Variants in STAT3 observed in about 807,000 individuals in gnomAD.
STAT3 encodes the protein signal transducer and activator of transcription 3, also known as DNA-binding protein APRF.
Under a neutral mutation model 114.3 loss-of-function variants are expected in STAT3, and 7 were observed. The observed-to-expected ratio is 0.06, with a 90% CI of 0.03 to 0.11. STAT3 has a LOEUF of 0.11. STAT3 is among the 10% of genes least tolerant of loss of function. The pLI, the probability that STAT3 is intolerant of heterozygous loss-of-function variation, is 1.00. For missense variants in STAT3, 364 were observed against 960.9 expected (o/e 0.38, Z 8.21); for synonymous variants, 331 against 354.5 (o/e 0.93, Z 0.74).
At chr17:42,345,880 T>TTTC (rs1485115920) in intron 3 of STAT3, among the ~76,000 whole-genome samples, 2 of 150,488 alleles carry the variant, frequency 1.3e-5, no homozygotes, top group African/African-American at 4.9e-5. Flanking sequence ...TGAGTCTTTT[T>TTTC]TTTTTTTTTT....
chr17:42,317,432 G>A (rs1207533136), intron 21 of STAT3: 5 of 645,050 alleles, frequency 7.8e-6, no homozygotes, highest in Admixed American at 4.8e-5. Flanking sequence ...GTGAACTTCA[G>A]TTCTTTGCAC....
At chr17:42,332,957 T>C (rs1303233175) in intron 10 of STAT3, among the ~76,000 whole-genome samples, 1 of 151,986 alleles carries the variant, frequency 6.6e-6, no homozygotes, top group African/African-American at 2.4e-5. Flanking sequence ...GCTGAGATCA[T>C]GCCACTGCAC....
intron 1 of STAT3, among the ~76,000 whole-genome samples, chr17:42,382,717 G>C (rs956527338): frequency 1.3e-5 from 2 of 151,502 alleles, no homozygotes; most frequent in African/African-American, 4.9e-5. Context: ...CACGATCTCA[G>C]CTCACTGCAA....
chr17:42,322,191 A>G, intron 21 of STAT3, 91 bp downstream of exon 21: 2 of 1,195,852 alleles, frequency 1.7e-6, no homozygotes, highest in Non-Finnish European at 2.5e-6. Flanking sequence ...CCCCCAGGTT[A>G]TTCAGGCATT....
intron 4 of STAT3, 145 bp downstream of exon 4, chr17:42,345,412 TAG>T (rs1045858874): frequency 5.5e-6 from 4 of 732,950 alleles, no homozygotes; most frequent in East Asian, 5.5e-5. Context: ...TCTTTTTTTT[TAG>T]AGTTTTTCAA....
At chr17:42,335,533 G>A (rs990671788) in intron 8 of STAT3, among the ~76,000 whole-genome samples, 2 of 152,132 alleles carry the variant, frequency 1.3e-5, no homozygotes, top group South Asian at 2.1e-4. Flanking sequence ...CTGATCAAAG[G>A]ACATGACATT....
At chr17:42,327,298 T>C (rs923771052) in intron 14 of STAT3, among the ~76,000 whole-genome samples, 6 of 152,192 alleles carry the variant, frequency 3.9e-5, no homozygotes, top group African/African-American at 1.4e-4. Context: ...TTTTACAGTT[T>C]TACCATATTT....
intron 1 of STAT3, among the ~76,000 whole-genome samples, chr17:42,357,000 C>T (rs1045337253): frequency 1.3e-5 from 2 of 152,054 alleles, no homozygotes; most frequent in Non-Finnish European, 2.9e-5. Flanking sequence ...GTTGGCCAGG[C>T]TTGTCTTAAA....
intron 20 of STAT3, among the ~76,000 whole-genome samples, 160 bp from the exon 21 acceptor site, chr17:42,322,654 T>G (rs1267362778): frequency 1.3e-5 from 2 of 152,254 alleles, no homozygotes; most frequent in Non-Finnish European, 2.9e-5. Context: ...GTGGAAATAT[T>G]CAGGCTGGCT....
chr17:42,330,052 T>G (rs563255473), intron 11 of STAT3, among the ~76,000 whole-genome samples: 1 of 152,350 alleles, frequency 6.6e-6, no homozygotes, highest in South Asian at 2.1e-4. Flanking sequence ...TATTTTCCAG[T>G]GCATCCTCAT....
chr17:42,341,173 A>G (rs1328112490), intron 4 of STAT3, among the ~76,000 whole-genome samples: 1 of 152,252 alleles, frequency 6.6e-6, no homozygotes, highest in East Asian at 1.9e-4. Context: ...AGAAAACATG[A>G]TTAACGATCA....
chr17:42,336,428 T>G lies in STAT3; in HGVS notation c.797+1007A>C, dbSNP rs145677137. Among the ~76,000 whole-genome samples the G allele has an allele frequency of 9.2e-5, 14 of 152,028 alleles. 1 individual carries two copies. The highest frequency in any genetic ancestry group is 2.4e-4 in the African/African-American group (10 of 41,460). On this transcript the variant is annotated intron_variant, in intron 8 of 23. Transcript: ENST00000264657. ...GCCCAGGCAACAAAGTAAGACCCTGTCTCTATAAAAAATTTAAAAATTAGC... is the reference window on the plus strand; with the variant it reads ...GCCCAGGCAACAAAGTAAGACCCTGGCTCTATAAAAAATTTAAAAATTAGC...
chr17:42,339,141 G>A (rs936285399), intron 5 of STAT3, among the ~76,000 whole-genome samples, 173 bp downstream of exon 5: 1 of 151,280 alleles, frequency 6.6e-6, no homozygotes, highest in Non-Finnish European at 1.5e-5. Flanking sequence ...CTGTGGTCCC[G>A]GCTACTTGGG....
At chr17:42,372,470 G>C (rs982249585) in intron 1 of STAT3, among the ~76,000 whole-genome samples, 10 of 152,196 alleles carry the variant, frequency 6.6e-5, no homozygotes, top group African/African-American at 1.9e-4. Flanking sequence ...GCTACACACT[G>C]TATGTCCAAC....
At chr17:42,375,871 AGCCGGGC>A (rs1272907443) in intron 1 of STAT3, among the ~76,000 whole-genome samples, 2 of 151,346 alleles carry the variant, frequency 1.3e-5, no homozygotes, top group East Asian at 3.9e-4. Flanking sequence ...GAAATAATAG[AGCCGGGC>A]GCAATGGCTC....
At chr17:42,372,986 G>A (rs185611086) in intron 1 of STAT3, among the ~76,000 whole-genome samples, 1 of 152,292 alleles carries the variant, frequency 6.6e-6, no homozygotes, top group East Asian at 1.9e-4. Flanking sequence ...AGTTGTGGGA[G>A]AAAGTAAGGG....
At chr17:42,371,219 T>G (rs2084108540) in intron 1 of STAT3, among the ~76,000 whole-genome samples, 1 of 151,972 alleles carries the variant, frequency 6.6e-6, no homozygotes, top group Non-Finnish European at 1.5e-5. Context: ...GAGAAAAGTT[T>G]AAGAGTTATA....
chr17:42,386,850 C>CT (rs1171207594), intron 1 of STAT3: 1 of 152,154 alleles, frequency 6.6e-6, no homozygotes, highest in Non-Finnish European at 1.5e-5. Flanking sequence ...AAATTCCAGA[C>CT]TTGTTTCCCC....
intron 1 of STAT3, among the ~76,000 whole-genome samples, chr17:42,381,657 G>A (rs531609118): frequency 7.9e-5 from 12 of 151,478 alleles, no homozygotes; most frequent in Admixed American, 3.3e-4. Flanking sequence ...GCGTGAACCC[G>A]GGAGGCGGAG....
Sources: gnomAD v4.1 joint callset for allele counts (sites outside exome capture counted in the v4.1 genomes callset) on GRCh38, gnomAD v4.1.1 for gene constraint, MANE v1.5 for transcripts, NCBI Gene and HGNC (gene_info 2026-07-23, HGNC 2026-07-21) for gene names.